FRMD4A: variants seen among roughly 807,000 people sequenced by gnomAD.
FRMD4A encodes FERM domain containing 4A, also known as FERM domain-containing protein 4A.
A neutral mutation model predicts 129.1 loss-of-function variants in FRMD4A; 29 were observed. That is an observed-to-expected ratio of 0.22 (90% CI 0.17 to 0.31). FRMD4A has a LOEUF of 0.31. Among genes scored for constraint, FRMD4A ranks in the 10% least tolerant of loss-of-function variants. The pLI, the probability that FRMD4A is intolerant of heterozygous loss-of-function variation, is 1.00. For missense variants in FRMD4A, 1,272 were observed against 1,375.8 expected, an observed-to-expected ratio of 0.92 and a Z score of 1.19; for synonymous variants, 634 against 571.6, an observed-to-expected ratio of 1.11 and a Z score of -1.56.
chr10:14,321,773 T>C (rs896795624), intron 2 of FRMD4A, among the ~76,000 whole-genome samples: 4 of 152,068 alleles, frequency 2.6e-5, no homozygotes, highest in Non-Finnish European at 4.4e-5. Context: ...CCAGGTGATA[T>C]GGTTTGCATC....
chr10:14,261,163 C>T (rs942331993), intron 2 of FRMD4A, among the ~76,000 whole-genome samples: 1 of 152,140 alleles, frequency 6.6e-6, no homozygotes. Context: ...TGGGGCAGTT[C>T]GCCTCATGGT....
chr10:14,184,758 T>A (rs1369280971), intron 2 of FRMD4A, among the ~76,000 whole-genome samples: 1 of 152,140 alleles, frequency 6.6e-6, no homozygotes, highest in Non-Finnish European at 1.5e-5. Context: ...GGGCTATAAG[T>A]CAGATATGAA....
At chr10:13,676,906 A>G (rs985579127) in intron 15 of FRMD4A, among the ~76,000 whole-genome samples, 2 of 152,206 alleles carry the variant, frequency 1.3e-5, no homozygotes, top group Non-Finnish European at 2.9e-5. Flanking sequence ...TTCCATAGGA[A>G]ACAATGGATT....
intron 2 of FRMD4A, among the ~76,000 whole-genome samples, chr10:14,106,450 T>C (rs1045009397): frequency 7.9e-5 from 12 of 152,226 alleles, no homozygotes; most frequent in African/African-American, 2.9e-4. Context: ...ATTGGTTGTT[T>C]CTAGGACTTT....
At chr10:14,298,748 G>A (rs1846090374) in intron 2 of FRMD4A, among the ~76,000 whole-genome samples, 1 of 152,174 alleles carries the variant, frequency 6.6e-6, no homozygotes, top group Non-Finnish European at 1.5e-5. Context: ...AGACAGGGAA[G>A]AACAGGAGAA....
At chr10:13,960,934 G>T (rs568550284) in intron 2 of FRMD4A, among the ~76,000 whole-genome samples, 1 of 152,166 alleles carries the variant, frequency 6.6e-6, no homozygotes, top group African/African-American at 2.4e-5. Context: ...CCTATGGAAG[G>T]CTGTGTACCT....
chr10:14,141,415 G>A (rs1211229562), intron 2 of FRMD4A, among the ~76,000 whole-genome samples: 2 of 152,128 alleles, frequency 1.3e-5, no homozygotes, highest in East Asian at 3.9e-4. Flanking sequence ...CACCTCCTGT[G>A]ATTCCTTGCC....
At chr10:13,890,742 G>A (rs1319371628) in intron 2 of FRMD4A, 1 of 985,272 alleles carries the variant, frequency 1.0e-6, no homozygotes, top group East Asian at 1.1e-4. Context: ...TGGGGTCAGG[G>A]AGTCCTTTGC....
rs2081151498 is a variant in FRMD4A, at chr10:13,646,948, G to A, written c.*90C>T. ...CCGGGCTGGCTCACACGAGGGTCCC[G>A]GGCTTGGCTTTTTCCTGCCCGTACC... On this transcript the variant is annotated 3_prime_UTR_variant, in exon 25 of 25. Transcript: ENST00000357447. 5 of 978,418 alleles carry A rather than the reference G, an allele frequency of 5.1e-6. No individual in the cohort carries two copies. The highest frequency in any genetic ancestry group is 5.2e-4 in the Middle Eastern group (1 of 1,932). The allele number at this position is 978,418 out of a possible 1,614,324, so 60.6% of individuals were successfully genotyped here. A position where few individuals can be genotyped will look rare whatever the true frequency, so the allele number is the denominator to read the frequency against.
chr10:14,115,085 C>A (rs1228846028), intron 2 of FRMD4A, among the ~76,000 whole-genome samples: 1 of 152,204 alleles, frequency 6.6e-6, no homozygotes, highest in East Asian at 1.9e-4. Context: ...CTAGGATATT[C>A]CAGAGACTGT....
chr10:14,179,064 A>T (rs535656505), intron 2 of FRMD4A, among the ~76,000 whole-genome samples: 1 of 152,308 alleles, frequency 6.6e-6, no homozygotes, highest in South Asian at 2.1e-4. Context: ...GCACTTGTAA[A>T]CGTCACAAAG....
At chr10:14,085,956 A>G (rs892381439) in intron 2 of FRMD4A, among the ~76,000 whole-genome samples, 40 of 152,154 alleles carry the variant, frequency 2.6e-4, no homozygotes, top group African/African-American at 9.4e-4. Context: ...ATTTTTTTGC[A>G]AAATCCTCTG....
intron 12 of FRMD4A, among the ~76,000 whole-genome samples, chr10:13,728,685 C>T (rs1459628461): frequency 6.8e-6 from 1 of 147,676 alleles, no homozygotes. Flanking sequence ...ATTCTCCTGT[C>T]TCAGCCTCTT....
At chr10:13,915,153 T>C (rs2094986355) in intron 2 of FRMD4A, among the ~76,000 whole-genome samples, 1 of 152,124 alleles carries the variant, frequency 6.6e-6, no homozygotes, top group Non-Finnish European at 1.5e-5. Flanking sequence ...AAGACAGATG[T>C]TTGCAAATTT....
chr10:13,879,695 T>C (rs1261635998), intron 2 of FRMD4A, among the ~76,000 whole-genome samples: 1 of 151,038 alleles, frequency 6.6e-6, no homozygotes, highest in Non-Finnish European at 1.5e-5. Flanking sequence ...TCTCTTCCTT[T>C]TCCTGCTCCT....
Position 13,656,896 on chromosome 10 carries a change from G to T in FRMD4A, c.2693C>A (p.Pro898Gln). 6.8e-7 allele frequency: 1 copy of T among 1,478,890 alleles called. No homozygotes were observed. Among genetic ancestry groups the T allele is most frequent in the Non-Finnish European group, 8.9e-7 (1 of 1,121,654 alleles). The allele number at this position is 1,478,890 out of a possible 1,614,324, so 91.6% of individuals were successfully genotyped here. Residue 898 changes from proline (P) to glutamine (Q), a missense_variant, in exon 22 of 25, where the codon CCG becomes CAG. By Grantham distance (76) the Pro-to-Gln change is moderately conservative (BLOSUM62 -1). Coordinates refer to ENST00000357447, the MANE Select transcript of FRMD4A (RefSeq NM_018027.5). ...AGTCCGCAGGATCTGCGATCGCGAC[G>T]GCGTCAGGCGGCCCGTGTCGCCCTC... is the stretch of plus-strand genomic sequence containing the variant. ...GDEGDTGRLT[P>Q]SRSQILRTPS...
intron 2 of FRMD4A, among the ~76,000 whole-genome samples, chr10:13,865,863 A>C (rs528921165): frequency 4.2e-4 from 64 of 152,290 alleles, no homozygotes; most frequent in African/African-American, 1.5e-3. Flanking sequence ...TAGTTTCCTG[A>C]GGCTAATTTA....
chr10:13,712,150 A>G (rs2088087868), intron 12 of FRMD4A: 1 of 152,232 alleles, frequency 6.6e-6, no homozygotes. Flanking sequence ...CTATACAGCA[A>G]TGCTTCAATA....
At chr10:14,230,393 A>G (rs1843598339) in intron 2 of FRMD4A, among the ~76,000 whole-genome samples, 1 of 152,188 alleles carries the variant, frequency 6.6e-6, no homozygotes, top group Non-Finnish European at 1.5e-5. Flanking sequence ...TCTAGGGTTC[A>G]CTTTGCCTGT....
Sources: allele counts gnomAD v4.1 joint callset (sites outside exome capture counted in the v4.1 genomes callset), GRCh38; gene constraint gnomAD v4.1.1; transcripts MANE v1.5; gene names NCBI Gene and HGNC (gene_info 2026-07-23, HGNC 2026-07-21).